The following STARD13 variants were observed in gnomAD, a reference collection of about 807,000 sequenced individuals.
STARD13 encodes the protein stAR-related lipid transfer protein 13.
In STARD13, 62 loss-of-function variants were observed where a neutral mutation model predicts 106.4. That is an observed-to-expected ratio of 0.58 (90% confidence interval 0.48 to 0.72). The LOEUF (loss-of-function observed/expected upper bound fraction) is 0.72. Among genes scored for constraint, STARD13 ranks in the 30% least tolerant of loss-of-function variants. The pLI, the probability that STARD13 is intolerant of heterozygous loss-of-function variation, is 0.00. For missense variants in STARD13, 1,387 were observed against 1,424.0 expected (o/e 0.97, Z 0.42); for synonymous variants, 565 against 553.0 (o/e 1.02, Z -0.31).
rs116041373 is a variant in STARD13, at chr13:33,140,409, T to C, written c.387+1901A>G. The stretch of plus-strand genomic sequence containing the variant: ...CATCTGACCCTCATGCTTCAAATAG[T>C]GTGTATGCTTCTCAAGGGGTCTATT... On this transcript the variant is annotated intron_variant, in intron 4 of 13. Coordinates refer to ENST00000336934, the MANE Select transcript of STARD13 (RefSeq NM_178006.4). 3.5e-3 allele frequency among the ~76,000 whole-genome samples: 526 copies of C among 152,326 alleles called. 3 individuals are homozygous for C. Among genetic ancestry groups the C allele is most frequent in the African/African-American group, 0.012 (499 of 41,564 alleles).
At chr13:33,312,990 T>C (rs1231945067) in intron 1 of STARD13, among the ~76,000 whole-genome samples, 1 of 152,218 alleles carries the variant, frequency 6.6e-6, no homozygotes, top group East Asian at 1.9e-4. Context: ...TCCAGAACAT[T>C]TGGATCCTAG....
the STARD13 span, among the ~76,000 whole-genome samples, chr13:33,499,604 T>TCC: frequency 6.5e-4 from 26 of 39,892 alleles, no homozygotes; most frequent in South Asian, 1.1e-3. Flanking sequence ...CTTCTTCTTC[T>TCC]TTCTTCTTCT....
intron 4 of STARD13, among the ~76,000 whole-genome samples, chr13:33,131,559 A>G (rs1878300742): frequency 6.6e-6 from 1 of 152,120 alleles, no homozygotes; most frequent in African/African-American, 2.4e-5. Flanking sequence ...CCCCAGCCGC[A>G]GCAACAAAGT....
At chr13:33,351,062 G>A (rs1021141728), upstream of STARD13, among the ~76,000 whole-genome samples, 6 of 152,116 alleles carry the variant, frequency 3.9e-5, no homozygotes, top group Non-Finnish European at 7.4e-5. Flanking sequence ...TTCTTTTGAT[G>A]TTCAATATTG....
intron 7 of STARD13, among the ~76,000 whole-genome samples, chr13:33,118,478 A>T (rs2138103625): frequency 6.6e-6 from 1 of 152,360 alleles, no homozygotes; most frequent in Non-Finnish European, 1.5e-5. Context: ...ATTACTGTGG[A>T]GAGTAAGTGA....
At chr13:33,264,334 A>T (rs189785020) in intron 1 of STARD13, among the ~76,000 whole-genome samples, 2 of 152,346 alleles carry the variant, frequency 1.3e-5, no homozygotes, top group African/African-American at 2.4e-5. Flanking sequence ...ACAGTTTGTT[A>T]CATAGCAACA....
chr13:33,609,569 CT>C, the STARD13 span, among the ~76,000 whole-genome samples: 11,815 of 141,550 alleles, frequency 0.083, 1,045 homozygotes, highest in African/African-American at 0.23. Context: ...TTCTTTCTTT[CT>C]TTTTTTTTTT....
At chr13:33,486,199 C>A in the STARD13 span, among the ~76,000 whole-genome samples, 3 of 152,148 alleles carry the variant, frequency 2.0e-5, no homozygotes, top group African/African-American at 7.2e-5. Context: ...GAATGGGTTT[C>A]TCAGTGTCCA....
At chr13:33,108,132 G>T (rs1289671936) in intron 12 of STARD13, among the ~76,000 whole-genome samples, 1 of 152,220 alleles carries the variant, frequency 6.6e-6, no homozygotes, top group Non-Finnish European at 1.5e-5. Flanking sequence ...GCAACTCTCA[G>T]CGGAAGCTCC....
chr13:33,659,382 A>AT, the STARD13 span, among the ~76,000 whole-genome samples: 1 of 151,798 alleles, frequency 6.6e-6, no homozygotes, highest in Non-Finnish European at 1.5e-5. Context: ...CACTCAGCTA[A>AT]TTTTTGTGTT....
the STARD13 span, among the ~76,000 whole-genome samples, chr13:33,571,846 G>C: frequency 6.6e-6 from 1 of 152,256 alleles, no homozygotes; most frequent in African/African-American, 2.4e-5. Flanking sequence ...CTGAAACCAT[G>C]TCTCTTCTGG....
At chr13:33,346,662 C>T (rs2078020260), downstream of STARD13, among the ~76,000 whole-genome samples, 1 of 152,026 alleles carries the variant, frequency 6.6e-6, no homozygotes, top group Admixed American at 6.6e-5. Flanking sequence ...TGGAGTCTTG[C>T]TCTGTCACCT....
At chr13:33,108,250 G>T (rs1181771591) in intron 12 of STARD13, among the ~76,000 whole-genome samples, 2 of 152,176 alleles carry the variant, frequency 1.3e-5, no homozygotes, top group African/African-American at 2.4e-5. Context: ...AAGACAGGAG[G>T]CATCTCAGCC....
chr13:33,673,974 C>T, the STARD13 span, among the ~76,000 whole-genome samples: 1 of 151,998 alleles, frequency 6.6e-6, no homozygotes, highest in African/African-American at 2.4e-5. Context: ...AGTTCTCCTG[C>T]CTCAGCCTCC....
chr13:33,530,807 A>G, the STARD13 span, among the ~76,000 whole-genome samples: 1 of 152,134 alleles, frequency 6.6e-6, no homozygotes, highest in African/African-American at 2.4e-5. Context: ...TTCTTTTTTC[A>G]TCTATGAATT....
chr13:33,200,786 C>T (rs1886964226), intron 1 of STARD13, among the ~76,000 whole-genome samples: 1 of 152,056 alleles, frequency 6.6e-6, no homozygotes, highest in Non-Finnish European at 1.5e-5. Context: ...CTTTGGGAGG[C>T]CAAGGTGGGC....
At chr13:33,601,859 A>G in the STARD13 span, among the ~76,000 whole-genome samples, 2,414 of 152,042 alleles carry the variant, frequency 0.016, 77 homozygotes, top group African/African-American at 0.055. Flanking sequence ...AAAACTGTTG[A>G]CCCCTGGATA....
the STARD13 span, among the ~76,000 whole-genome samples, chr13:33,489,529 G>T: frequency 4.6e-5 from 7 of 152,272 alleles, no homozygotes; most frequent in African/African-American, 1.7e-4. Context: ...TTACTTTTAT[G>T]TGGGTCAAGT....
chr13:33,578,184 C>T, the STARD13 span, among the ~76,000 whole-genome samples: 1 of 152,020 alleles, frequency 6.6e-6, no homozygotes. Flanking sequence ...AAAAGACCTT[C>T]AATAGCCAGA....
Sources: allele counts gnomAD v4.1 joint callset (sites outside exome capture counted in the v4.1 genomes callset), GRCh38; gene constraint gnomAD v4.1.1; transcripts MANE v1.5; gene names NCBI Gene and HGNC (gene_info 2026-07-23, HGNC 2026-07-21).